The following STPG2 variants were observed in gnomAD, a reference collection of about 807,000 sequenced individuals.
STPG2 encodes sperm tail PG-rich repeat containing 2, also known as sperm-tail PG-rich repeat-containing protein 2.
A neutral mutation model predicts 54.2 loss-of-function variants in STPG2; 56 were observed. That is an observed-to-expected ratio of 1.03 (90% CI 0.83 to 1.29). The LOEUF is 1.29. Among genes scored for constraint, STPG2 ranks in the 50% most tolerant of loss-of-function variants. The pLI, the probability that STPG2 is intolerant of heterozygous loss-of-function variation, is 0.00. For missense variants in STPG2, 596 were observed against 544.9 expected (o/e 1.09, Z -0.93); for synonymous variants, 200 against 181.8 (o/e 1.10, Z -0.81).
chr4:97,762,702 G>A (rs1477147229), intron 9 of STPG2, among the ~76,000 whole-genome samples: 1 of 151,920 alleles, frequency 6.6e-6, no homozygotes, highest in African/African-American at 2.4e-5. Context: ...TTCCAAATTA[G>A]AAGCAAAAAA....
Position 97,518,781 on chromosome 4 carries a change from T to C in STPG2, c.462+193918A>G, listed in dbSNP as rs188017910. On this transcript the variant is annotated intron_variant, in intron 4 of 4. Coordinates refer to the STPG2 transcript ENST00000522676. ...CCTGTTATGTTACTTCTGTCAAAAA[T>C]AATAAATGCCTTCCTACTATCTATT... Among the ~76,000 whole-genome samples, 299 of 152,134 alleles carry C rather than the reference T, an allele frequency of 2.0e-3. 1 individual carries two copies. The highest frequency in any genetic ancestry group is 6.6e-3 in the African/African-American group (275 of 41,536).
At chr4:98,122,711 G>T (rs1486067598) in intron 3 of STPG2, among the ~76,000 whole-genome samples, 1 of 138,518 alleles carries the variant, frequency 7.2e-6, no homozygotes, top group African/African-American at 2.8e-5. Context: ...AGTTAAGGAG[G>T]AGTCCCTCCT....
chr4:97,496,552 T>C (rs1578343360), intron 4 of STPG2, among the ~76,000 whole-genome samples: 3 of 151,746 alleles, frequency 2.0e-5, no homozygotes, highest in Non-Finnish European at 1.5e-5. Flanking sequence ...CCCAGCAAAA[T>C]AGATTGCATA....
chr4:97,740,248 G>T (rs1725177774), intron 9 of STPG2, among the ~76,000 whole-genome samples: 1 of 152,150 alleles, frequency 6.6e-6, no homozygotes, highest in South Asian at 2.1e-4. Flanking sequence ...CACACCCACA[G>T]CCAATATCAC....
At chr4:98,021,127 A>G in intron 5 of STPG2, among the ~76,000 whole-genome samples, 2 of 150,912 alleles carry the variant, frequency 1.3e-5, no homozygotes, top group African/African-American at 2.4e-5. Flanking sequence ...TCAATTTTAG[A>G]TCTTTCCTGC....
At chr4:97,503,825 A>T (rs1243201677) in intron 4 of STPG2, among the ~76,000 whole-genome samples, 6 of 122,716 alleles carry the variant, frequency 4.9e-5, no homozygotes, top group Non-Finnish European at 9.9e-5. Flanking sequence ...TAAATATTTT[A>T]AAAATATATT....
intron 10 of STPG2, among the ~76,000 whole-genome samples, chr4:97,705,907 C>T (rs980925343): frequency 6.6e-6 from 1 of 151,752 alleles, no homozygotes; most frequent in Non-Finnish European, 1.5e-5. Flanking sequence ...ACATATATAA[C>T]ATATCTAATA....
intron 10 of STPG2, among the ~76,000 whole-genome samples, chr4:97,650,227 G>T (rs888803332): frequency 6.6e-6 from 1 of 152,168 alleles, no homozygotes; most frequent in Non-Finnish European, 1.5e-5. Context: ...TATGCAGCCT[G>T]TCTCCTAACA....
At chr4:97,689,658 TATC>T (rs1261355244) in intron 10 of STPG2, among the ~76,000 whole-genome samples, 6 of 152,138 alleles carry the variant, frequency 3.9e-5, no homozygotes, top group African/African-American at 1.4e-4. Context: ...GAATGAATGA[TATC>T]ATAATTCTAA....
intron 10 of STPG2, among the ~76,000 whole-genome samples, chr4:97,668,101 G>A (rs62316482): frequency 0.013 from 2,023 of 152,136 alleles, 41 homozygotes; most frequent in African/African-American, 0.046. Flanking sequence ...GTCAATTCAC[G>A]TAACTAATTA....
At chr4:97,763,888 T>C (rs963404774) in intron 9 of STPG2, among the ~76,000 whole-genome samples, 1 of 152,178 alleles carries the variant, frequency 6.6e-6, no homozygotes, top group African/African-American at 2.4e-5. Flanking sequence ...CACATTTTTA[T>C]TGCATAATGA....
At chr4:97,772,147 T>C (rs994676960) in intron 9 of STPG2, among the ~76,000 whole-genome samples, 1 of 152,172 alleles carries the variant, frequency 6.6e-6, no homozygotes, top group Admixed American at 6.5e-5. Flanking sequence ...TTGAAGAGCA[T>C]GTATTAAAAG....
intron 5 of STPG2, among the ~76,000 whole-genome samples, chr4:98,005,699 C>G (rs983478002): frequency 2.0e-5 from 3 of 151,816 alleles, no homozygotes; most frequent in Non-Finnish European, 4.4e-5. Flanking sequence ...GTTGAACCAT[C>G]CTTGCATCCA....
At chr4:97,980,812 A>C (rs1235259261) in intron 6 of STPG2, among the ~76,000 whole-genome samples, 1 of 152,210 alleles carries the variant, frequency 6.6e-6, no homozygotes, top group Non-Finnish European at 1.5e-5. Context: ...AAAAAAGTTT[A>C]ACAAAACTGA....
At chr4:97,786,703 C>T (rs1055935314) in intron 9 of STPG2, among the ~76,000 whole-genome samples, 2 of 152,034 alleles carry the variant, frequency 1.3e-5, no homozygotes, top group African/African-American at 2.4e-5. Flanking sequence ...CCAATGCATT[C>T]ATGCTATACA....
At chr4:97,516,506 G>A (rs1731078411) in intron 4 of STPG2, among the ~76,000 whole-genome samples, 1 of 151,892 alleles carries the variant, frequency 6.6e-6, no homozygotes, top group Non-Finnish European at 1.5e-5. Flanking sequence ...CCCTTCTTGC[G>A]ACACTTATAA....
chr4:97,686,962 AGT>A lies in STPG2; in HGVS notation c.1320+25735_1320+25736del, dbSNP rs1301107633. Among the ~76,000 whole-genome samples the A allele has an allele frequency of 1.0e-4, 15 of 146,602 alleles. No homozygotes were observed. In the South Asian group the frequency reaches 2.5e-3, roughly 25 times the overall value. The stretch of plus-strand genomic sequence containing the variant: ...TATTATTTTTTTTTTTGAGAGAGAG[AGT>A]GAGTCTCGCTCTGTCGCCCAGGCTG... On this transcript the variant is annotated intron_variant, in intron 10 of 10. Transcript: ENST00000295268.
intron 7 of STPG2, among the ~76,000 whole-genome samples, chr4:97,971,334 T>G (rs1226840213): frequency 6.6e-6 from 1 of 152,166 alleles, no homozygotes; most frequent in Non-Finnish European, 1.5e-5. Flanking sequence ...ATCATGCTAC[T>G]ATAAAGACAC....
intron 10 of STPG2, among the ~76,000 whole-genome samples, chr4:97,701,429 T>C (rs1723771188): frequency 6.6e-6 from 1 of 152,186 alleles, no homozygotes; most frequent in African/African-American, 2.4e-5. Context: ...TGTTCAGTAG[T>C]CCCCAAAATG....
Sources: gnomAD v4.1 joint callset for allele counts (sites outside exome capture counted in the v4.1 genomes callset) on GRCh38, gnomAD v4.1.1 for gene constraint, MANE v1.5 for transcripts, NCBI Gene and HGNC (gene_info 2026-07-23, HGNC 2026-07-21) for gene names.